RBFOX1: variants seen among roughly 807,000 people sequenced by gnomAD.
RBFOX1 encodes the protein RNA binding protein fox-1 homolog 1.
Under a neutral mutation model 57.7 loss-of-function variants are expected in RBFOX1, and 8 were observed. The observed-to-expected ratio is 0.14, with a 90% CI of 0.08 to 0.25. The LOEUF (loss-of-function observed/expected upper bound fraction) is 0.25. RBFOX1 is among the 10% of genes least tolerant of loss of function. The pLI is 1.00. For synonymous variants in RBFOX1, 326 were observed against 222.4 expected, an observed-to-expected ratio of 1.47 and a Z score of -4.15; for missense variants, 611 against 548.5, an observed-to-expected ratio of 1.11 and a Z score of -1.14.
At chr16:7,437,165 A>C (rs1301875040) in intron 4 of RBFOX1, among the ~76,000 whole-genome samples, 1 of 152,102 alleles carries the variant, frequency 6.6e-6, no homozygotes, top group Non-Finnish European at 1.5e-5. Context: ...AATCTGTTTT[A>C]TGATACTGTG....
chr16:5,573,398 G>A (rs183651138), intron 2 of RBFOX1, among the ~76,000 whole-genome samples: 39 of 152,258 alleles, frequency 2.6e-4, no homozygotes, highest in African/African-American at 8.4e-4. Flanking sequence ...ATCACTTTTG[G>A]GTGCTTCTTA....
At chr16:6,982,911 T>C (rs146133999) in intron 3 of RBFOX1, among the ~76,000 whole-genome samples, 3 of 147,522 alleles carry the variant, frequency 2.0e-5, no homozygotes, top group Non-Finnish European at 4.4e-5. Context: ...GGAGAACAAC[T>C]TGAACCCAGG....
chr16:6,622,263 A>G (rs1218253239), intron 2 of RBFOX1, among the ~76,000 whole-genome samples: 2 of 152,242 alleles, frequency 1.3e-5, no homozygotes, highest in Non-Finnish European at 1.5e-5. Context: ...ACAGCAGACT[A>G]CATATATGAC....
intron 5 of RBFOX1, 87 bp downstream of exon 5, chr16:7,518,476 C>A: frequency 6.7e-7 from 1 of 1,499,386 alleles, no homozygotes; most frequent in Non-Finnish European, 8.9e-7. Flanking sequence ...CCCCCATCTA[C>A]CCAGGGACTC....
intron 3 of RBFOX1, among the ~76,000 whole-genome samples, chr16:5,803,090 G>A (rs981492233): frequency 2.0e-5 from 3 of 152,052 alleles, no homozygotes; most frequent in African/African-American, 4.8e-5. Context: ...CCAGACAATG[G>A]CAGGAATGGG....
intron 3 of RBFOX1, among the ~76,000 whole-genome samples, chr16:6,761,817 G>A (rs1022729272): frequency 2.0e-5 from 3 of 151,690 alleles, no homozygotes; most frequent in Non-Finnish European, 4.4e-5. Flanking sequence ...CTCTCTCCTT[G>A]TTGCTACTAC....
At chr16:5,265,127 G>C (rs1478403945) in intron 1 of RBFOX1, among the ~76,000 whole-genome samples, 1 of 152,076 alleles carries the variant, frequency 6.6e-6, no homozygotes, top group African/African-American at 2.4e-5. Flanking sequence ...TTATAAAATA[G>C]AAAAAATCTG....
intron 1 of RBFOX1, among the ~76,000 whole-genome samples, chr16:5,279,795 C>T (rs1280778890): frequency 4.6e-5 from 7 of 152,342 alleles, no homozygotes; most frequent in Admixed American, 6.5e-5. Flanking sequence ...AGCCACCTTG[C>T]GCAGCCTAAT....
At chr16:5,263,341 C>G (rs879925046) in intron 1 of RBFOX1, among the ~76,000 whole-genome samples, 2 of 151,992 alleles carry the variant, frequency 1.3e-5, no homozygotes, top group South Asian at 4.2e-4. Flanking sequence ...TTTGCACCAA[C>G]CTAATGCGAT....
At chr16:7,069,855 A>C (rs977841647) in intron 4 of RBFOX1, among the ~76,000 whole-genome samples, 1 of 152,184 alleles carries the variant, frequency 6.6e-6, no homozygotes, top group Non-Finnish European at 1.5e-5. Context: ...ATGTTCCCTT[A>C]CATCACTCCA....
rs1490832629 is a variant in RBFOX1, at chr16:5,990,649, G to A, written c.351+123314G>A. Among the ~76,000 whole-genome samples, 5 of 152,270 alleles carry A rather than the reference G, an allele frequency of 3.3e-5. 1 individual carries two copies. In the South Asian group the frequency reaches 6.2e-4, roughly 19 times the overall value. On this transcript the variant is annotated intron_variant, in intron 4 of 19. Transcript: ENST00000641259. ...AATAGTTGCGGTGTATGGGGAAGGT[G>A]GGTGGGAGGGAGGCTTGTAAAGAGG...
At chr16:7,341,921 AC>A (rs2096905745) in intron 4 of RBFOX1, among the ~76,000 whole-genome samples, 1 of 151,284 alleles carries the variant, frequency 6.6e-6, no homozygotes, top group Non-Finnish European at 1.5e-5. Flanking sequence ...AGTTCAACAC[AC>A]CCACTGCTGT....
At chr16:5,993,849 G>T (rs1259343442) in intron 4 of RBFOX1, among the ~76,000 whole-genome samples, 1 of 152,122 alleles carries the variant, frequency 6.6e-6, no homozygotes, top group African/African-American at 2.4e-5. Context: ...AATTAATATA[G>T]GATAGGTAAG....
intron 3 of RBFOX1, among the ~76,000 whole-genome samples, chr16:6,970,577 G>A (rs559611521): frequency 1.3e-5 from 2 of 152,232 alleles, no homozygotes; most frequent in Admixed American, 6.5e-5. Flanking sequence ...CCCTGGCGTT[G>A]TGTCTTCACA....
intron 4 of RBFOX1, among the ~76,000 whole-genome samples, chr16:7,061,332 G>C (rs2054198279): frequency 6.6e-6 from 1 of 152,098 alleles, no homozygotes. Context: ...TCCAGTCTTT[G>C]CAAGAACATT....
rs145358184 is a variant in RBFOX1, at chr16:7,368,044, A to C, written c.28-150103A>C. ...CATTTTGGGAAGCCGAGGATGGTGA[A>C]TCAGCTGAGGTCAGGGGTTTGAGAC... On this transcript the variant is annotated intron_variant, in intron 4 of 15. Coordinates refer to ENST00000550418, the MANE Select transcript of RBFOX1 (RefSeq NM_018723.4). Among the ~76,000 whole-genome samples, 215 of 152,144 alleles carry C rather than the reference A, an allele frequency of 1.4e-3. 1 individual carries two copies. Among genetic ancestry groups the C allele is most frequent in the African/African-American group, 4.9e-3 (205 of 41,532 alleles).
rs75638798 is a variant in RBFOX1, at chr16:6,454,023, C to T, written c.-64+136966C>T. Among the ~76,000 whole-genome samples the T allele has an allele frequency of 8.2e-3, 1,242 of 152,256 alleles. 7 individuals are homozygous for T. Among genetic ancestry groups the T allele is most frequent in the Non-Finnish European group, 0.014 (925 of 68,030 alleles). On this transcript the variant is annotated intron_variant, in intron 2 of 15. Transcript: ENST00000550418. ...CTTTCCTGCTTGGTTGGTAGATGGCCGTCTTCTCTCTGGGTTTTCACATGG... is the reference window on the plus strand; with the variant it reads ...CTTTCCTGCTTGGTTGGTAGATGGCTGTCTTCTCTCTGGGTTTTCACATGG...
chr16:7,244,717 T>C (rs1439206548), intron 4 of RBFOX1, among the ~76,000 whole-genome samples: 4 of 152,188 alleles, frequency 2.6e-5, no homozygotes, highest in Non-Finnish European at 5.9e-5. Context: ...CTTCCAATAT[T>C]GTGTAGTGTG....
intron 3 of RBFOX1, among the ~76,000 whole-genome samples, chr16:6,911,515 C>A (rs553022135): frequency 1.3e-5 from 2 of 152,174 alleles, no homozygotes; most frequent in Admixed American, 6.5e-5. Flanking sequence ...TGTCTGTCTC[C>A]CTGTCCAAAT....
Sources: gnomAD v4.1 joint callset for allele counts (sites outside exome capture counted in the v4.1 genomes callset) on GRCh38, gnomAD v4.1.1 for gene constraint, MANE v1.5 for transcripts, NCBI Gene and HGNC (gene_info 2026-07-23, HGNC 2026-07-21) for gene names.